Variants in PTPRT observed in about 807,000 individuals in gnomAD.
The protein encoded by PTPRT is receptor-type tyrosine-protein phosphatase T.
PTPRT carries 56 observed loss-of-function variants against 176.8 expected under a neutral mutation model. That is an observed-to-expected ratio of 0.32 (90% CI 0.26 to 0.40). The LOEUF (loss-of-function observed/expected upper bound fraction) is 0.40, where lower values mean the gene tolerates loss of function less well. PTPRT is among the 10% of genes least tolerant of loss of function. PTPRT has a pLI of 1.00. For synonymous variants in PTPRT, 783 were observed against 739.0 expected, an observed-to-expected ratio of 1.06 and a Z score of -0.96; for missense variants, 1,540 against 1,908.2, an observed-to-expected ratio of 0.81 and a Z score of 3.60.
intron 8 of PTPRT, among the ~76,000 whole-genome samples, chr20:42,457,203 T>C (rs907970178): frequency 2.6e-5 from 4 of 152,158 alleles, no homozygotes; most frequent in Non-Finnish European, 5.9e-5. Flanking sequence ...TTTTCACTCC[T>C]TAAGCACATA....
chr20:42,361,582 C>A (rs1366141447), intron 9 of PTPRT, among the ~76,000 whole-genome samples: 2 of 152,198 alleles, frequency 1.3e-5, no homozygotes, highest in African/African-American at 2.4e-5. Context: ...TCTAACTCCC[C>A]TGGGGCCGCC....
intron 1 of PTPRT, among the ~76,000 whole-genome samples, chr20:43,178,501 A>C (rs1180652698): frequency 6.6e-6 from 1 of 152,248 alleles, no homozygotes; most frequent in African/African-American, 2.4e-5. Flanking sequence ...AGAGATGGTA[A>C]ATGGACAATC....
chr20:42,752,151 A>C (rs2076778655), intron 6 of PTPRT, among the ~76,000 whole-genome samples: 1 of 152,138 alleles, frequency 6.6e-6, no homozygotes, highest in African/African-American at 2.4e-5. Context: ...CAGTCATCAA[A>C]TCGGCACCTG....
chr20:42,157,843 T>A (rs541647978), intron 17 of PTPRT, among the ~76,000 whole-genome samples: 1 of 152,220 alleles, frequency 6.6e-6, no homozygotes, highest in Non-Finnish European at 1.5e-5. Flanking sequence ...AGCTCACCTA[T>A]GGAGTTCTGA....
intron 6 of PTPRT, among the ~76,000 whole-genome samples, chr20:42,699,652 C>T (rs985154892): frequency 2.0e-5 from 3 of 152,050 alleles, no homozygotes; most frequent in Non-Finnish European, 4.4e-5. Flanking sequence ...AGCTAGAAGC[C>T]TTTGTAGTCT....
Position 42,075,035 on chromosome 20 carries a change from T to TCA in PTPRT, c.*5842_*5843dup, listed in dbSNP as rs3838029. On this transcript the variant is annotated 3_prime_UTR_variant, in exon 31 of 31. Coordinates refer to ENST00000373187, the MANE Select transcript of PTPRT (RefSeq NM_007050.6). ...CACCACTAACCTCTCTCCCTGCTGTTCAGTCTATGACCTCAAAGGCAGATC... is the reference window on the plus strand; with the variant it reads ...CACCACTAACCTCTCTCCCTGCTGTTCACAGTCTATGACCTCAAAGGCAGATC... 0.14 allele frequency: 54,422 copies of TCA among 391,620 alleles called. 6,364 individuals are homozygous for TCA. The highest frequency in any genetic ancestry group is 0.39 in the African/African-American group (18,843 of 48,468). The allele number at this position is 391,620 out of a possible 1,614,324, so 24.3% of individuals were successfully genotyped here. A position where few individuals can be genotyped will look rare whatever the true frequency, so the allele number is the denominator to read the frequency against.
chr20:42,495,242 A>T (rs78398074), intron 7 of PTPRT, among the ~76,000 whole-genome samples: 1 of 152,292 alleles, frequency 6.6e-6, no homozygotes, highest in East Asian at 1.9e-4. Flanking sequence ...TCTTAATGCC[A>T]TATTTTCTTT....
At chr20:42,048,541 C>T in the PTPRT span, among the ~76,000 whole-genome samples, 1 of 152,100 alleles carries the variant, frequency 6.6e-6, no homozygotes, top group Non-Finnish European at 1.5e-5. Context: ...GTCGTGGGAG[C>T]TCAGGACACA....
At chr20:42,175,554 A>G (rs1306413265) in intron 16 of PTPRT, among the ~76,000 whole-genome samples, 1 of 152,182 alleles carries the variant, frequency 6.6e-6, no homozygotes. Flanking sequence ...GGGAATGGGC[A>G]TGAGGGATCT....
chr20:42,119,011 AG>A (rs778941606), intron 20 of PTPRT, among the ~76,000 whole-genome samples: 43 of 107,962 alleles, frequency 4.0e-4, no homozygotes, highest in African/African-American at 1.3e-3. Flanking sequence ...ACAGAAAGGA[AG>A]GAAAAAAAAA....
At chr20:42,347,860 C>T (rs1321865484) in intron 11 of PTPRT, among the ~76,000 whole-genome samples, 2 of 152,200 alleles carry the variant, frequency 1.3e-5, no homozygotes, top group African/African-American at 4.8e-5. Context: ...GGCAAACAGA[C>T]CAAGTTCTGT....
At chr20:42,306,290 A>AG (rs766404455) in intron 12 of PTPRT, among the ~76,000 whole-genome samples, 8 of 152,214 alleles carry the variant, frequency 5.3e-5, no homozygotes, top group Non-Finnish European at 8.8e-5. Context: ...GAGCTCCAGC[A>AG]GGGGTTTAGA....
chr20:43,000,640 A>G (rs879890300), intron 1 of PTPRT, among the ~76,000 whole-genome samples: 2 of 152,216 alleles, frequency 1.3e-5, no homozygotes, highest in Non-Finnish European at 1.5e-5. Context: ...TAAAAAAATC[A>G]AAACTTGAGA....
intron 1 of PTPRT, among the ~76,000 whole-genome samples, chr20:43,145,609 A>T (rs754252357): frequency 5.9e-5 from 9 of 152,222 alleles, no homozygotes; most frequent in Non-Finnish European, 1.2e-4. Context: ...TTTCAGGATG[A>T]AAAAGAGAAT....
chr20:42,487,023 T>A (rs1433167609), intron 7 of PTPRT, among the ~76,000 whole-genome samples: 1 of 152,172 alleles, frequency 6.6e-6, no homozygotes, highest in African/African-American at 2.4e-5. Context: ...TAGATGTGTA[T>A]GTTTTGGTTA....
At chr20:42,536,461 C>A (rs1376714530) in intron 7 of PTPRT, among the ~76,000 whole-genome samples, 1 of 152,160 alleles carries the variant, frequency 6.6e-6, no homozygotes, top group East Asian at 1.9e-4. Flanking sequence ...TACCTGCAGT[C>A]CCTAATACTT....
intron 7 of PTPRT, among the ~76,000 whole-genome samples, chr20:42,639,341 T>G (rs1465470073): frequency 1.3e-5 from 2 of 152,132 alleles, no homozygotes; most frequent in Non-Finnish European, 2.9e-5. Context: ...ACGAATGCAC[T>G]TCCTCATTCC....
chr20:42,392,935 C>A (rs2058814843), intron 9 of PTPRT, among the ~76,000 whole-genome samples: 1 of 151,544 alleles, frequency 6.6e-6, no homozygotes, highest in Admixed American at 6.6e-5. Context: ...AAAAGAAGGC[C>A]CAAAGAAAGA....
chr20:42,870,739 T>C, intron 2 of PTPRT, among the ~76,000 whole-genome samples: 1 of 152,180 alleles, frequency 6.6e-6, no homozygotes, highest in East Asian at 1.9e-4. Flanking sequence ...CATATGGTGG[T>C]TCTATTTTTT....
Sources: gnomAD v4.1 joint callset for allele counts (sites outside exome capture counted in the v4.1 genomes callset) on GRCh38, gnomAD v4.1.1 for gene constraint, MANE v1.5 for transcripts, NCBI Gene and HGNC (gene_info 2026-07-23, HGNC 2026-07-21) for gene names.